EDIL3: variants seen among roughly 807,000 people sequenced by gnomAD.
EDIL3 encodes EGF-like repeat and discoidin I-like domain-containing protein 3.
A neutral mutation model predicts 67.4 loss-of-function variants in EDIL3; 37 were observed. The observed-to-expected ratio is 0.55, with a 90% CI of 0.42 to 0.72. EDIL3 has a LOEUF of 0.72. EDIL3 is among the 30% of genes least tolerant of loss of function. The pLI is 0.00. For missense variants in EDIL3, 527 were observed against 586.3 expected, an observed-to-expected ratio of 0.90 and a Z score of 1.04; for synonymous variants, 195 against 196.3, an observed-to-expected ratio of 0.99 and a Z score of 0.05.
intron 1 of EDIL3, among the ~76,000 whole-genome samples, chr5:84,328,141 CAT>C (rs1408203974): frequency 1.3e-5 from 2 of 151,960 alleles, no homozygotes; most frequent in African/African-American, 2.4e-5. Flanking sequence ...AGTTGAATAA[CAT>C]AAACATTTTC....
intron 9 of EDIL3, among the ~76,000 whole-genome samples, chr5:83,981,676 C>T (rs1008652352): frequency 1.3e-5 from 2 of 152,016 alleles, no homozygotes; most frequent in African/African-American, 4.8e-5. Flanking sequence ...TTAAACAATT[C>T]TGCTACCCCA....
intron 1 of EDIL3, among the ~76,000 whole-genome samples, chr5:84,366,079 C>T (rs748833488): frequency 6.6e-6 from 1 of 151,984 alleles, no homozygotes; most frequent in African/African-American, 2.4e-5. Flanking sequence ...AAAGTTATAG[C>T]TCAAAGACTG....
chr5:84,093,589 G>T (rs1171942238), intron 6 of EDIL3, among the ~76,000 whole-genome samples: 1 of 150,506 alleles, frequency 6.6e-6, no homozygotes, highest in East Asian at 2.0e-4. Flanking sequence ...AGAACAGCAA[G>T]AAATTCAGTT....
At chr5:84,137,124 A>G (rs1036076706) in intron 5 of EDIL3, 117 bp downstream of exon 5, 4 of 738,130 alleles carry the variant, frequency 5.4e-6, no homozygotes, top group Non-Finnish European at 8.1e-6. Context: ...AGATTTCAAA[A>G]TAAATTTAGA....
rs191182102 is a variant in EDIL3 at position 84,226,643 on chromosome 5, G to C, written c.226+3212C>G. Among the ~76,000 whole-genome samples, 346 of 151,796 alleles carry C rather than the reference G, an allele frequency of 2.3e-3. 1 individual carries two copies. Among genetic ancestry groups the C allele is most frequent in the African/African-American group, 6.7e-3 (279 of 41,486 alleles). ...CCCATTGTCTGCTTTTTATACAAAA[G>C]GAGTGTCTACTTTACTAAATGACAC... is the stretch of plus-strand genomic sequence containing the variant. On this transcript the variant is annotated intron_variant, in intron 3 of 10. Transcript: ENST00000296591.
At chr5:83,986,172 T>C (rs1393532598) in intron 9 of EDIL3, among the ~76,000 whole-genome samples, 2 of 152,078 alleles carry the variant, frequency 1.3e-5, no homozygotes, top group Non-Finnish European at 2.9e-5. Flanking sequence ...ACTTCAACAA[T>C]AAAAGTTAAA....
In EDIL3 at chr5:84,270,046, G is replaced by A. The variant is rs139437932; in HGVS notation, c.68-15834C>T. 2.5e-3 allele frequency among the ~76,000 whole-genome samples: 374 copies of A among 152,214 alleles called. 1 individual carries two copies. The highest frequency in any genetic ancestry group is 8.4e-3 in the African/African-American group (348 of 41,538). On this transcript the variant is annotated intron_variant, in intron 1 of 10. Coordinates refer to ENST00000296591, the MANE Select transcript of EDIL3 (RefSeq NM_005711.5). The stretch of plus-strand genomic sequence containing the variant: ...GAGAGAAAAATCTAGAAGGATATGT[G>A]CAAAAATATCAACGTTAGTTATCTC...
chr5:84,120,333 T>C (rs1393122221), intron 5 of EDIL3, among the ~76,000 whole-genome samples: 1 of 152,062 alleles, frequency 6.6e-6, no homozygotes, highest in African/African-American at 2.4e-5. Context: ...ATTCTTAATA[T>C]ATTTGCATCT....
At chr5:84,183,413 A>G (rs1316008468) in intron 3 of EDIL3, among the ~76,000 whole-genome samples, 1 of 152,156 alleles carries the variant, frequency 6.6e-6, no homozygotes, top group Admixed American at 6.6e-5. Context: ...AGATTTTGAA[A>G]CTAACTGATA....
At position 84,284,708 on chromosome 5, in the gene EDIL3, T is replaced by TCATA. The variant is rs1336711001; in HGVS notation, c.68-30500_68-30497dup. On this transcript the variant is annotated intron_variant, in intron 1 of 10. Coordinates refer to ENST00000296591, the MANE Select transcript of EDIL3 (RefSeq NM_005711.5). ...ATCTGTAAATCCTTTTGTCCTAACC[T>TCATA]CATAATTAAAAGTGATGCAGTAAAA... is the stretch of plus-strand genomic sequence containing the variant. 2.6e-5 allele frequency among the ~76,000 whole-genome samples: 4 copies of TCATA among 152,238 alleles called. No homozygotes were observed. In the East Asian group the frequency reaches 7.7e-4, roughly 29 times the overall value.
chr5:84,087,998 C>G (rs1445653253), intron 6 of EDIL3, among the ~76,000 whole-genome samples: 1 of 152,130 alleles, frequency 6.6e-6, no homozygotes, highest in East Asian at 1.9e-4. Context: ...CTGGAACTCA[C>G]AGAGTAAATT....
At chr5:84,049,995 C>T (rs370557339) in intron 9 of EDIL3, among the ~76,000 whole-genome samples, 62 of 151,640 alleles carry the variant, frequency 4.1e-4, no homozygotes, top group African/African-American at 1.4e-3. Flanking sequence ...GTCAGGAGAT[C>T]GAGACCATCC....
At chr5:84,208,529 A>G (rs1744036938) in intron 3 of EDIL3, among the ~76,000 whole-genome samples, 1 of 151,222 alleles carries the variant, frequency 6.6e-6, no homozygotes, top group African/African-American at 2.4e-5. Context: ...AATACAAAAA[A>G]TTAGCCGGGC....
At chr5:84,073,867 C>T (rs914118216) in intron 6 of EDIL3, among the ~76,000 whole-genome samples, 1 of 151,848 alleles carries the variant, frequency 6.6e-6, no homozygotes, top group Non-Finnish European at 1.5e-5. Context: ...CATATGGAAC[C>T]AAAAAAGAGC....
Position 83,960,080 on chromosome 5 carries a change from C to G in EDIL3, c.1293+3125G>C, listed in dbSNP as rs565667890. Among the ~76,000 whole-genome samples the G allele has an allele frequency of 3.1e-4, 47 of 150,958 alleles. 1 individual carries two copies. The highest frequency in any genetic ancestry group is 1.1e-3 in the African/African-American group (46 of 41,414). On this transcript the variant is annotated intron_variant, in intron 10 of 10. Transcript: ENST00000296591. ...TCTACAGTTTATTGGTGTCAGTTGTCTTCTTCAATAGTAAATAATAAACTT... is the reference window on the plus strand; with the variant it reads ...TCTACAGTTTATTGGTGTCAGTTGTGTTCTTCAATAGTAAATAATAAACTT...
At chr5:84,326,313 C>T (rs1746755476) in intron 1 of EDIL3, among the ~76,000 whole-genome samples, 1 of 151,892 alleles carries the variant, frequency 6.6e-6, no homozygotes, top group African/African-American at 2.4e-5. Flanking sequence ...ATGGTTAAGA[C>T]ATGAGGTACT....
intron 3 of EDIL3, among the ~76,000 whole-genome samples, chr5:84,221,657 C>G (rs949194380): frequency 1.3e-5 from 2 of 151,792 alleles, no homozygotes; most frequent in African/African-American, 4.8e-5. Flanking sequence ...TTGTTTTTTC[C>G]CTGTTCCTCT....
At chr5:83,999,762 G>A (rs2112167969) in intron 9 of EDIL3, among the ~76,000 whole-genome samples, 1 of 152,166 alleles carries the variant, frequency 6.6e-6, no homozygotes, top group East Asian at 1.9e-4. Flanking sequence ...TCCAAACCTA[G>A]AGAATGATAT....
intron 3 of EDIL3, among the ~76,000 whole-genome samples, chr5:84,195,771 G>A (rs746266943): frequency 6.6e-6 from 1 of 151,956 alleles, no homozygotes; most frequent in Non-Finnish European, 1.5e-5. Context: ...CATGACCACA[G>A]TAGGAATTCT....
Sources: gnomAD v4.1 joint callset for allele counts (sites outside exome capture counted in the v4.1 genomes callset) on GRCh38, gnomAD v4.1.1 for gene constraint, MANE v1.5 for transcripts, NCBI Gene and HGNC (gene_info 2026-07-23, HGNC 2026-07-21) for gene names.